ADAM18: variants seen among roughly 807,000 people sequenced by gnomAD.
ADAM18 encodes the protein ADAM metallopeptidase domain 18, also known as disintegrin and metalloproteinase domain-containing protein 18.
In ADAM18, 117 loss-of-function variants were observed where a neutral mutation model predicts 94.4. The observed-to-expected ratio is 1.24, with a 90% CI of 1.07 to 1.45. ADAM18 has a LOEUF of 1.45. Among genes scored for constraint, ADAM18 ranks in the 40% most tolerant of loss-of-function variants. ADAM18 has a pLI of 0.00. For synonymous variants in ADAM18, 327 were observed against 291.6 expected (o/e 1.12, Z -1.24); for missense variants, 936 against 880.0 (o/e 1.06, Z -0.81).
intron 10 of ADAM18, among the ~76,000 whole-genome samples, chr8:39,644,944 C>A (rs1322380586): frequency 6.6e-6 from 1 of 152,082 alleles, no homozygotes; most frequent in African/African-American, 2.4e-5. Context: ...GAACAAAGTC[C>A]TTTTCTTTCA....
chr8:39,704,603 G>A (rs947801936), intron 17 of ADAM18, among the ~76,000 whole-genome samples: 2 of 152,004 alleles, frequency 1.3e-5, no homozygotes, highest in East Asian at 1.9e-4. Flanking sequence ...GTTTTGGCTG[G>A]GGGGACCCAG....
chr8:39,624,574 T>C (rs1310160433), intron 6 of ADAM18, among the ~76,000 whole-genome samples: 3 of 152,186 alleles, frequency 2.0e-5, no homozygotes, highest in African/African-American at 7.2e-5. Flanking sequence ...TGAAGTCAGG[T>C]CATGTAGCGT....
At chr8:39,637,814 T>A in intron 9 of ADAM18, 111 bp downstream of exon 9, 1 of 923,342 alleles carries the variant, frequency 1.1e-6, no homozygotes, top group Non-Finnish European at 1.5e-6. Context: ...TGGAAGTGTT[T>A]AAAAATTAGT....
At chr8:39,610,478 A>G (rs576732402) in intron 5 of ADAM18, 51 bp from the exon 6 acceptor site, 10 of 1,524,184 alleles carry the variant, frequency 6.6e-6, no homozygotes, top group Middle Eastern at 2.3e-4. Flanking sequence ...TTTTGAAGGG[A>G]TCATTTGTGA....
At position 39,638,468 on chromosome 8, in the gene ADAM18, C is replaced by T. The variant is rs1820147921; in HGVS notation, c.831C>T (p.Tyr277=). The change falls in exon 10 of 20, where the codon TAC becomes TAT. Residue 277 remains tyrosine (Y), a synonymous_variant. Transcript: ENST00000265707. ...ATAAAAAATTATAATAATGTAGTTA[C>T]AGGAAACATCCTAAATATGTGGGAG... is the stretch of plus-strand genomic sequence containing the variant. ...RPHDIAYLLV[Y]RKHPKYVGAT... is the part of the protein sequence containing the mutation. 6.4e-7 allele frequency: 1 copy of T among 1,551,986 alleles called. No individual in the cohort carries two copies.
chr8:39,724,981 C>A (rs1302315164), intron 19 of ADAM18, among the ~76,000 whole-genome samples: 4 of 151,548 alleles, frequency 2.6e-5, no homozygotes, highest in African/African-American at 9.7e-5. Flanking sequence ...TTTTTATAGG[C>A]CTAGTATATA....
chr8:39,606,355 G>T lies in ADAM18; in HGVS notation c.181G>T (p.Gly61Ter), dbSNP rs200550133. The T allele has an allele frequency of 3.2e-5, 50 of 1,548,322 alleles. No homozygotes were observed. Among genetic ancestry groups the T allele is most frequent in the Admixed American group, 2.9e-4 (15 of 51,742 alleles). ...TGGACAACCTTACACTCTACATCTC[G>T]GAAAACAGTAAGATATGATTTTTTT... ...IDGQPYTLHLGKQSFLPQNFL... is the reference protein window; with the variant it reads ...IDGQPYTLHL Residue 61 changes from glycine (G) to a stop codon, truncating the protein, a stop_gained, in exon 3 of 20, where the codon GGA becomes TGA. Transcript: ENST00000265707. LOFTEE classifies it high-confidence loss of function.
chr8:39,625,666 G>A (rs558889097), intron 6 of ADAM18, among the ~76,000 whole-genome samples: 11 of 152,160 alleles, frequency 7.2e-5, no homozygotes, highest in African/African-American at 2.6e-4. Context: ...GATGCTCTCT[G>A]TGGGTTTGTC....
At chr8:39,654,257 AC>A (rs1820624236) in intron 12 of ADAM18, among the ~76,000 whole-genome samples, 1 of 146,522 alleles carries the variant, frequency 6.8e-6, no homozygotes, top group Non-Finnish European at 1.5e-5. Flanking sequence ...TTCCAGGTTC[AC>A]GCGATTCTCC....
intron 15 of ADAM18, among the ~76,000 whole-genome samples, chr8:39,679,396 G>A (rs1821381474): frequency 6.6e-6 from 1 of 152,172 alleles, no homozygotes; most frequent in South Asian, 2.1e-4. Context: ...TAGCCTCATA[G>A]AGAAGCCAGT....
In ADAM18 at chr8:39,706,886, G is replaced by T; in HGVS notation, c.1999G>T (p.Gly667Ter). The stretch of plus-strand genomic sequence containing the variant: ...TTCCCCAGGGGGTAGTATTGATGAT[G>T]GAAATTTTCAGAAATCTGGTAAGTG... ...FGSPGGSIDDGNFQKSGDFYT... is the reference protein window; with the variant it reads ...FGSPGGSIDD Residue 667 changes from glycine to a stop codon, truncating the protein, a stop_gained, in exon 18 of 20, where the codon GGA becomes TGA. Coordinates refer to ENST00000265707, the MANE Select transcript of ADAM18 (RefSeq NM_014237.3). LOFTEE classifies it high-confidence loss of function. The T allele has an allele frequency of 6.3e-7, 1 of 1,593,990 alleles. No individual in the cohort carries two copies. Among genetic ancestry groups the T allele is most frequent in the South Asian group, 1.1e-5 (1 of 89,160 alleles).
rs137972865 is a variant in ADAM18, at chr8:39,589,171, T to G, written c.132+3819T>G. On this transcript the variant is annotated intron_variant, in intron 2 of 19. Transcript: ENST00000265707. Reference sequence around the variant, plus strand: ...GTGGTCCTGTGTTACGTTGATGTCCTTTTAAAGTGCTTATATTCAACAGCA... The same window carrying G: ...GTGGTCCTGTGTTACGTTGATGTCCGTTTAAAGTGCTTATATTCAACAGCA... 4.2e-3 allele frequency among the ~76,000 whole-genome samples: 635 copies of G among 152,360 alleles called. 3 individuals carry two copies. The highest frequency in any genetic ancestry group is 5.9e-3 in the Non-Finnish European group (400 of 68,026).
At position 39,643,535 on chromosome 8, in the gene ADAM18, C is replaced by T. The variant is rs566050048; in HGVS notation, c.910-1803C>T. On this transcript the variant is annotated intron_variant, in intron 10 of 19. Transcript: ENST00000265707. ...TTCCAGGGCTGCCATAACAAAATAC[C>T]GCAAACTGAGCACTTGATCAACAGA... is the stretch of plus-strand genomic sequence containing the variant. Among the ~76,000 whole-genome samples the T allele has an allele frequency of 9.9e-5, 15 of 152,052 alleles. No individual in the cohort carries two copies. The East Asian group carries it at 1.4e-3, about 14-fold the overall frequency.
intron 3 of ADAM18, among the ~76,000 whole-genome samples, chr8:39,606,876 G>C (rs1258150348): frequency 1.3e-5 from 2 of 152,116 alleles, no homozygotes; most frequent in African/African-American, 2.4e-5. Flanking sequence ...GGGCAGGGGC[G>C]GGGAACACAA....
At chr8:39,685,202 G>C (rs979331210) in intron 16 of ADAM18, 3 of 152,276 alleles carry the variant, frequency 2.0e-5, no homozygotes, top group African/African-American at 4.8e-5. Context: ...TTGAAGTCCA[G>C]GTGAAGGCAG....
intron 12 of ADAM18, among the ~76,000 whole-genome samples, chr8:39,662,744 C>T (rs1413518651): frequency 1.3e-5 from 2 of 152,272 alleles, no homozygotes; most frequent in Admixed American, 6.5e-5. Flanking sequence ...CTTGCCTCAG[C>T]GTCCTGAGTA....
At chr8:39,653,014 G>A (rs1348925678) in intron 12 of ADAM18, among the ~76,000 whole-genome samples, 1 of 152,132 alleles carries the variant, frequency 6.6e-6, no homozygotes, top group Non-Finnish European at 1.5e-5. Flanking sequence ...GGTGCTACCA[G>A]GGGCTGGGAG....
chr8:39,702,173 C>G (rs141011046), intron 17 of ADAM18, among the ~76,000 whole-genome samples: 1 of 152,132 alleles, frequency 6.6e-6, no homozygotes, highest in Non-Finnish European at 1.5e-5. Context: ...TTCTTAATAA[C>G]AGCCATTCTG....
rs566414011 is a variant in ADAM18, at chr8:39,705,070, A to T, written c.1903-1720A>T. 5.0e-3 allele frequency among the ~76,000 whole-genome samples: 768 copies of T among 152,220 alleles called. 5 individuals are homozygous for T. The highest frequency in any genetic ancestry group is 6.1e-3 in the Non-Finnish European group (416 of 67,962). On this transcript the variant is annotated intron_variant, in intron 17 of 19. Coordinates refer to ENST00000265707, the MANE Select transcript of ADAM18 (RefSeq NM_014237.3). ...ACTTTTGTTGTTTAAGAATTATCAT[A>T]TTTTGGTTTACCTTCAAACTTTGAA...
Sources: allele counts gnomAD v4.1 joint callset (sites outside exome capture counted in the v4.1 genomes callset), GRCh38; gene constraint gnomAD v4.1.1; transcripts MANE v1.5; gene names NCBI Gene and HGNC (gene_info 2026-07-23, HGNC 2026-07-21).